Variants in CCDC136 observed in about 807,000 individuals in gnomAD.
CCDC136 encodes coiled-coil domain-containing protein 136.
CCDC136 carries 100 observed loss-of-function variants against 141.2 expected under a neutral mutation model. The observed-to-expected ratio is 0.71, with a 90% CI of 0.60 to 0.84. The LOEUF is 0.84. Ranked by LOEUF, CCDC136 falls within the 40% of genes least tolerant of loss-of-function variation. CCDC136 has a pLI of 0.00. For synonymous variants in CCDC136, 474 were observed against 531.9 expected (o/e 0.89, Z 1.50); for missense variants, 1,206 against 1,379.4 (o/e 0.87, Z 1.99).
chr7:128,808,325 C>T (rs1452458201), intron 10 of CCDC136: 1 of 343,512 alleles, frequency 2.9e-6, no homozygotes, highest in African/African-American at 2.2e-5. Context: ...GCATGAGCCG[C>T]CATGCCCTGC....
At chr7:128,792,576 C>G in intron 1 of CCDC136, 149 bp downstream of exon 1, 1 of 614,066 alleles carries the variant, frequency 1.6e-6, no homozygotes, top group Non-Finnish European at 2.8e-6. Flanking sequence ...AGAGCTCCAG[C>G]CCTTCCCAGG....
rs764819383 is a variant in CCDC136, at chr7:128,812,180, T to A, written c.2409T>A (p.Ser803Arg). The A allele has an allele frequency of 8.1e-6, 13 of 1,613,540 alleles. No individual in the cohort carries two copies. Among genetic ancestry groups the A allele is most frequent in the Non-Finnish European group, 1.1e-5 (13 of 1,179,820 alleles). ...GTGCCAGTGAGGCCTATGGGAAGAG[T>A]TACTGCACTACCAGCAACAGCAGCA... is the stretch of plus-strand genomic sequence containing the variant. Reference protein sequence around the residue: ...STSASEAYGKSYCTTSNSSIT... With the variant: ...STSASEAYGKRYCTTSNSSIT... Residue 803 changes from serine to arginine, a missense_variant, in exon 13 of 18, where the codon AGT (serine) becomes AGA (arginine). Physicochemically the swap from Ser to Arg is moderately radical, Grantham distance 110 (BLOSUM62 -1). Transcript: ENST00000297788.
chr7:128,812,201 C>T lies in CCDC136; in HGVS notation c.2430C>T (p.Ser810=). 6.2e-7 allele frequency: 1 copy of T among 1,614,006 alleles called. No homozygotes were observed. Among genetic ancestry groups the T allele is most frequent in the Non-Finnish European group, 8.5e-7 (1 of 1,179,886 alleles). Residue 810 remains serine, a synonymous_variant, in exon 13 of 18, where the codon AGC becomes AGT. Transcript: ENST00000297788. ...AGAGTTACTGCACTACCAGCAACAG[C>T]AGCATTACCTATAAGAAGAGTTACG... ...YGKSYCTTSN[S]SITYKKSYGS... is the part of the protein sequence containing the mutation.
At chr7:128,810,109 C>A in intron 11 of CCDC136, 30 bp from the exon 12 acceptor site, 1 of 1,398,306 alleles carries the variant, frequency 7.2e-7, no homozygotes, top group Non-Finnish European at 9.9e-7. Flanking sequence ...CACCACCATC[C>A]CTTGCCTCCT....
In CCDC136 at chr7:128,817,945, C is replaced by A; in HGVS notation, c.*5+81C>A. On this transcript the variant is annotated intron_variant, in intron 17 of 17. Transcript: ENST00000297788. The surrounding 1 kb of genome is among the most constrained non-coding windows in gnomAD (Gnocchi z 4.6). ...TGGCCTCTCCTCTTTCCCTTTTCTC[C>A]CAGCTGCTTGCTTCTTGCTTGTGCC... is the stretch of plus-strand genomic sequence containing the variant. 2 of 1,026,344 alleles carry A rather than the reference C, an allele frequency of 1.9e-6. No individual in the cohort carries two copies. Among genetic ancestry groups the A allele is most frequent in the Non-Finnish European group, 3.0e-6 (2 of 666,998 alleles). 63.6% of individuals were successfully genotyped at this position (1,026,344 alleles called of 1,614,324 possible).
chr7:128,815,466 A>T lies in CCDC136; in HGVS notation c.3046-148A>T. 6.0e-6 allele frequency: 5 copies of T among 831,778 alleles called. No individual in the cohort carries two copies. The Admixed American group carries it at 1.5e-4, about 24-fold the overall frequency. The allele number at this position is 831,778 out of a possible 1,614,324, so 51.5% of individuals were successfully genotyped here. A position where few individuals can be genotyped will look rare whatever the true frequency, so the allele number is the denominator to read the frequency against. Reference sequence around the variant, plus strand: ...GATGCCCTCTACATATGCTCAGGGGATTGGCTCACAGTCCCAGAGCACCGG... The same window carrying T: ...GATGCCCTCTACATATGCTCAGGGGTTTGGCTCACAGTCCCAGAGCACCGG... On this transcript the variant is annotated intron_variant, in intron 15 of 17. Coordinates refer to ENST00000297788, the MANE Select transcript of CCDC136 (RefSeq NM_022742.5).
chr7:128,810,134 C>G lies in CCDC136; in HGVS notation c.1801-5C>G. ...CCTTGCCTCCTTCCTTCTACTCCGC[C>G]TCAGAGTCAGGAGCTACTCACCAAG... On this transcript the variant is annotated splice_polypyrimidine_tract_variant and splice_region_variant and intron_variant, in intron 11 of 17. Transcript: ENST00000297788. 6.4e-7 allele frequency: 1 copy of G among 1,566,898 alleles called. No homozygotes were observed. Among genetic ancestry groups the G allele is most frequent in the Non-Finnish European group, 8.7e-7 (1 of 1,153,788 alleles).
Position 128,806,361 on chromosome 7 carries a change from T to G in CCDC136, c.1214T>G (p.Met405Arg). Residue 405 changes from methionine to arginine, a missense_variant, in exon 8 of 18, where the codon ATG becomes AGG. Met to Arg is a moderately conservative substitution (Grantham distance 91, BLOSUM62 -1). Coordinates refer to ENST00000297788, the MANE Select transcript of CCDC136 (RefSeq NM_022742.5). ...ACTGAGCTCCGGCAGCTCAAAGTCA[T>G]GAAATCCACACTTGTAGAAAACCAG... ...LQTELRQLKV[M>R]KSTLVENQSE... 6.2e-7 allele frequency: 1 copy of G among 1,605,244 alleles called. No homozygotes were observed. The highest frequency in any genetic ancestry group is 8.5e-7 in the Non-Finnish European group (1 of 1,175,776).
chr7:128,801,680 C>G (rs970610688), intron 4 of CCDC136, among the ~76,000 whole-genome samples, 171 bp downstream of exon 4: 6 of 152,126 alleles, frequency 3.9e-5, no homozygotes, highest in East Asian at 3.9e-4. Context: ...CCTGTAATCC[C>G]AGAACTTTGG....
chr7:128,804,602 T>C, intron 4 of CCDC136, 48 bp from the exon 5 acceptor site: 1 of 1,161,578 alleles, frequency 8.6e-7, no homozygotes. Flanking sequence ...TGGTCATCAG[T>C]GCTTTCCTTT....
rs61740835 is a variant in CCDC136 at position 128,810,186 on chromosome 7, G to C, written c.1848G>C (p.Leu616=). ...TKLEDLCELQ[L]LYQGMQEEQK... is the part of the protein sequence containing the mutation. ...TAGAAGACCTGTGTGAGCTGCAGCT[G>C]CTCTACCAAGGCATGCAGGAGGAAC... The change falls in exon 12 of 18, where the codon CTG becomes CTC. Residue 616 remains leucine, a synonymous_variant. Transcript: ENST00000297788. The C allele has an allele frequency of 2.7e-3, 4,336 of 1,607,414 alleles. 119 individuals carry two copies. The African/African-American group carries it at 0.051, about 19-fold the overall frequency.
At chr7:128,791,208 G>A (rs1397237215), upstream of CCDC136, among the ~76,000 whole-genome samples, 1 of 152,168 alleles carries the variant, frequency 6.6e-6, no homozygotes, top group Admixed American at 6.5e-5. The surrounding 1 kb of genome is among the most constrained non-coding windows in gnomAD (Gnocchi z 7.1). Context: ...AGGAGCTCCT[G>A]ACGCTGTCCG....
At chr7:128,808,386 A>T in intron 10 of CCDC136, 1 of 686,528 alleles carries the variant, frequency 1.5e-6, no homozygotes, top group Non-Finnish European at 1.8e-6. Flanking sequence ...AATGGAAGAG[A>T]ATACTACTCT....
In CCDC136 at chr7:128,810,281, G is replaced by A. The variant is rs778238940; in HGVS notation, c.1943G>A (p.Arg648His). 2.4e-5 allele frequency: 39 copies of A among 1,613,978 alleles called. No individual in the cohort carries two copies. The highest frequency in any genetic ancestry group is 3.3e-5 in the South Asian group (3 of 91,058). Reference protein sequence around the residue: ...EQLEIHEELRRFKESHFQEVL... With the variant: ...EQLEIHEELRHFKESHFQEVL... The stretch of plus-strand genomic sequence containing the variant: ...TTAGAGATCCACGAAGAGCTGCGAC[G>A]TTTCAAAGAGTCTCATTTCCAGGAA... Residue 648 changes from arginine (R) to histidine (H), a missense_variant, in exon 12 of 18, where the codon CGT becomes CAT. Arg to His is a conservative substitution (Grantham distance 29, BLOSUM62 0). Transcript: ENST00000297788.
rs1453498228 is a variant in CCDC136 at position 128,794,748 on chromosome 7, A to T, written c.326A>T (p.Lys109Met). 1 of 1,551,744 alleles carries T rather than the reference A, an allele frequency of 6.4e-7. No homozygotes were observed. Among genetic ancestry groups the T allele is most frequent in the Non-Finnish European group, 8.7e-7 (1 of 1,146,976 alleles). Residue 109 changes from lysine to methionine, a missense_variant, in exon 3 of 18, where the codon AAG (lysine) becomes ATG (methionine). Coordinates refer to ENST00000297788, the MANE Select transcript of CCDC136 (RefSeq NM_022742.5). The surrounding 1 kb of genome is among the most constrained non-coding windows in gnomAD (Gnocchi z 4.3). ...ASAQQAEVFT[K>M]QIQQLQGELR... The stretch of plus-strand genomic sequence containing the variant: ...GCCCAGCAGGCAGAGGTGTTCACCA[A>T]GCAGATCCAGCAGCTCCAAGGTAAT...
In CCDC136 at chr7:128,819,668, T is replaced by A. The variant is rs187752342; in HGVS notation, c.*5+1804T>A. Among the ~76,000 whole-genome samples, 271 of 152,294 alleles carry A rather than the reference T, an allele frequency of 1.8e-3. 2 individuals carry two copies. The highest frequency in any genetic ancestry group is 5.3e-3 in the Admixed American group (81 of 15,300). On this transcript the variant is annotated intron_variant, in intron 17 of 17. Transcript: ENST00000297788. ...TGAAGAAGCTACTCCTATTTTTTTTTATATATGATTAAACTAAGGCATAGA... is the reference window on the plus strand; with the variant it reads ...TGAAGAAGCTACTCCTATTTTTTTTAATATATGATTAAACTAAGGCATAGA...
In CCDC136 at chr7:128,815,806, G is replaced by A; in HGVS notation, c.3238G>A (p.Glu1080Lys). 6.2e-7 allele frequency: 1 copy of A among 1,603,078 alleles called. No individual in the cohort carries two copies. Among genetic ancestry groups the A allele is most frequent in the Non-Finnish European group, 8.5e-7 (1 of 1,174,876 alleles). Residue 1080 changes from glutamate to lysine, a missense_variant, in exon 16 of 18, where the codon GAA becomes AAA. Physicochemically the swap from Glu to Lys is moderately conservative, Grantham distance 56. Transcript: ENST00000297788. ...EEAKSTEDQE[E>K]NEEDKEEEEK... Reference sequence around the variant, plus strand: ...AGCTAAATCCACAGAAGATCAGGAGGAAAATGAAGAGGACAAAGAGGAAGA... The same window carrying A: ...AGCTAAATCCACAGAAGATCAGGAGAAAAATGAAGAGGACAAAGAGGAAGA...
rs1012324383 is a variant in CCDC136, at chr7:128,805,605, C to T, written c.948+81C>T. On this transcript the variant is annotated intron_variant, in intron 6 of 17. Coordinates refer to ENST00000297788, the MANE Select transcript of CCDC136 (RefSeq NM_022742.5). This position sits in a 1 kb window ranked among gnomAD's most constrained non-coding sequence, Gnocchi z 4.6. The stretch of plus-strand genomic sequence containing the variant: ...TCCCAGCCTGTGGTAGAAACATCTC[C>T]ATAGGCATCCACTGTGGAGGGAGAT... 1 of 1,535,902 alleles carries T rather than the reference C, an allele frequency of 6.5e-7. No homozygotes were observed. The highest frequency in any genetic ancestry group is 1.4e-5 in the African/African-American group (1 of 73,278).
chr7:128,814,810 G>C lies in CCDC136; in HGVS notation c.2936G>C (p.Arg979Pro), dbSNP rs199650087. ...AGGCCTTCTGTTGTCAAAGAAGCCC[G>C]GGGGAAGAATGCTAATAAGAACATG... The part of the protein sequence containing the change: ...EKRPSVVKEA[R>P]GKNANKNMNK... The change falls in exon 15 of 18, where the codon CGG becomes CCG. Residue 979 changes from arginine (R) to proline (P), a missense_variant. Arg to Pro is a moderately radical substitution (Grantham distance 103). Transcript: ENST00000297788. 1.2e-6 allele frequency: 2 copies of C among 1,611,698 alleles called. No homozygotes were observed. Among genetic ancestry groups the C allele is most frequent in the Admixed American group, 1.7e-5 (1 of 59,582 alleles).
Sources: allele counts gnomAD v4.1 joint callset (sites outside exome capture counted in the v4.1 genomes callset), GRCh38; gene constraint gnomAD v4.1.1; non-coding constraint Gnocchi (gnomAD v3.1); transcripts MANE v1.5; gene names NCBI Gene and HGNC (gene_info 2026-07-23, HGNC 2026-07-21).